Variants in PDE3A observed in about 807,000 individuals in gnomAD.
PDE3A encodes phosphodiesterase 3A.
PDE3A carries 43 observed loss-of-function variants against 98.3 expected under a neutral mutation model. The observed-to-expected ratio is 0.44, with a 90% confidence interval of 0.34 to 0.56. The LOEUF is 0.56. PDE3A is among the 20% of genes least tolerant of loss of function. The probability of loss-of-function intolerance (pLI) is 0.01; values close to 1 mark genes in which losing one functional copy is unlikely to be tolerated. For missense variants in PDE3A, 1,427 were observed against 1,440.7 expected (o/e 0.99, Z 0.15); for synonymous variants, 663 against 567.9 (o/e 1.17, Z -2.38).
intron 1 of PDE3A, among the ~76,000 whole-genome samples, chr12:20,431,793 G>A (rs117537507): frequency 8.5e-5 from 13 of 152,218 alleles, no homozygotes; most frequent in East Asian, 3.9e-4. Flanking sequence ...ATAACTATGC[G>A]CCTTATCTCA....
chr12:20,475,478 C>G (rs1444401847), intron 1 of PDE3A, among the ~76,000 whole-genome samples: 1 of 152,040 alleles, frequency 6.6e-6, no homozygotes, highest in Non-Finnish European at 1.5e-5. Context: ...CCTGTCATCC[C>G]AGCACTTTGG....
intron 1 of PDE3A, among the ~76,000 whole-genome samples, chr12:20,437,301 G>A (rs1591931065): frequency 6.6e-6 from 1 of 152,110 alleles, no homozygotes; most frequent in East Asian, 1.9e-4. Flanking sequence ...ATCAGACTCA[G>A]CCTTCATTCA....
At chr12:20,584,557 C>T (rs10841571) in intron 2 of PDE3A, among the ~76,000 whole-genome samples, 29,839 of 152,004 alleles carry the variant, frequency 0.2, 3,227 homozygotes, top group South Asian at 0.34. Flanking sequence ...TAATGCAGAA[C>T]GCCAGATTCT....
chr12:20,512,549 T>A lies in PDE3A; in HGVS notation c.961-44111T>A, dbSNP rs113729342. 3.9e-5 allele frequency among the ~76,000 whole-genome samples: 6 copies of A among 152,230 alleles called. No individual in the cohort carries two copies. In the South Asian group the frequency reaches 8.3e-4, roughly 21 times the overall value. ...AGGTAAAATAGTCAACATTTTACAA[T>A]GTTATTGCTTGGGGTTTAGGAAATT... On this transcript the variant is annotated intron_variant, in intron 1 of 15. Transcript: ENST00000359062.
At chr12:20,665,744 C>A (rs1330081115) in intron 15 of PDE3A, among the ~76,000 whole-genome samples, 2 of 151,956 alleles carry the variant, frequency 1.3e-5, no homozygotes, top group African/African-American at 2.4e-5. Context: ...TAGTCATTTT[C>A]ATTTTAGCTA....
intron 2 of PDE3A, among the ~76,000 whole-genome samples, chr12:20,572,970 C>G (rs1322056460): frequency 1.3e-5 from 2 of 152,034 alleles, no homozygotes; most frequent in African/African-American, 4.8e-5. Context: ...AGTCAAATGA[C>G]TAGTCTACAT....
chr12:20,623,949 T>C (rs1296997326), intron 5 of PDE3A, among the ~76,000 whole-genome samples: 4 of 152,070 alleles, frequency 2.6e-5, no homozygotes, highest in Non-Finnish European at 5.9e-5. Context: ...ATTTCCAGAT[T>C]TGTGAATAGT....
intron 5 of PDE3A, among the ~76,000 whole-genome samples, chr12:20,625,346 C>T (rs1057505031): frequency 6.6e-6 from 1 of 152,170 alleles, no homozygotes; most frequent in Admixed American, 6.5e-5. Context: ...TTGAATTTAT[C>T]GTTACTGTAT....
At chr12:20,653,383 T>C (rs1944965621) in intron 14 of PDE3A, among the ~76,000 whole-genome samples, 1 of 152,074 alleles carries the variant, frequency 6.6e-6, no homozygotes, top group South Asian at 2.1e-4. Context: ...ATTTTTTTTT[T>C]TGAGATGGAG....
chr12:20,602,755 G>T lies in PDE3A; in HGVS notation c.1012-10688G>T, dbSNP rs549865708. 2.0e-5 allele frequency among the ~76,000 whole-genome samples: 3 copies of T among 152,216 alleles called. No homozygotes were observed. The South Asian group carries it at 6.2e-4, about 32-fold the overall frequency. Reference sequence around the variant, plus strand: ...ATTCCCTGCCAGAAAATTAAAATACGCAAACATCTGCTTCCTTAGGATGGC... The same window carrying T: ...ATTCCCTGCCAGAAAATTAAAATACTCAAACATCTGCTTCCTTAGGATGGC... On this transcript the variant is annotated intron_variant, in intron 2 of 15. Coordinates refer to ENST00000359062, the MANE Select transcript of PDE3A (RefSeq NM_000921.5).
chr12:20,641,462 T>A, intron 10 of PDE3A, among the ~76,000 whole-genome samples: 1 of 151,964 alleles, frequency 6.6e-6, no homozygotes, highest in East Asian at 1.9e-4. Flanking sequence ...GGTCAAGGAG[T>A]TATATAAATA....
intron 1 of PDE3A, among the ~76,000 whole-genome samples, chr12:20,415,307 G>T (rs1944404252): frequency 6.6e-6 from 1 of 151,710 alleles, no homozygotes; most frequent in South Asian, 2.1e-4. Context: ...TTTCCCTCAG[G>T]GTAATTATGC....
chr12:20,471,491 T>G (rs1945439341), intron 1 of PDE3A, among the ~76,000 whole-genome samples: 1 of 152,130 alleles, frequency 6.6e-6, no homozygotes, highest in African/African-American at 2.4e-5. Flanking sequence ...AAATCCTAGT[T>G]TCTAGAAATA....
chr12:20,643,959 A>G (rs542514534), intron 10 of PDE3A, among the ~76,000 whole-genome samples: 3 of 152,262 alleles, frequency 2.0e-5, no homozygotes, highest in African/African-American at 7.2e-5. Flanking sequence ...GATGTTATCA[A>G]TTCCTTACCC....
chr12:20,526,324 T>C (rs1248531344), intron 1 of PDE3A, among the ~76,000 whole-genome samples: 1 of 152,244 alleles, frequency 6.6e-6, no homozygotes, highest in Non-Finnish European at 1.5e-5. Flanking sequence ...GTATTTTAAA[T>C]GAGCCAGCAA....
chr12:20,386,051 A>AAT (rs1308353603), intron 1 of PDE3A, among the ~76,000 whole-genome samples: 1 of 30,328 alleles, frequency 3.3e-5, no homozygotes, highest in Admixed American at 5.0e-4. Context: ...AATATATATA[A>AAT]ATATATATAA....
chr12:20,590,134 C>CGAA (rs1439360912), intron 2 of PDE3A, among the ~76,000 whole-genome samples: 1 of 151,952 alleles, frequency 6.6e-6, no homozygotes, highest in Non-Finnish European at 1.5e-5. Context: ...TCTTACTATC[C>CGAA]CGTGCTCCAA....
chr12:20,661,575 G>T lies in PDE3A; in HGVS notation c.3184+7370G>T, dbSNP rs886423541. On this transcript the variant is annotated intron_variant, in intron 15 of 15. Transcript: ENST00000359062. ...TGAGCAGTGTGCAGCCTAGGGACTT[G>T]GTTCCCTGCATCCCAACCACTCCAG... 5.3e-5 allele frequency among the ~76,000 whole-genome samples: 8 copies of T among 152,156 alleles called. No homozygotes were observed. In the South Asian group the frequency reaches 1.7e-3, roughly 32 times the overall value.
chr12:20,419,461 T>C (rs1333871721), intron 1 of PDE3A, among the ~76,000 whole-genome samples: 2 of 151,774 alleles, frequency 1.3e-5, no homozygotes, highest in Non-Finnish European at 1.5e-5. Flanking sequence ...TCCCACTGTT[T>C]TTGTTTTTTG....
Sources: allele counts gnomAD v4.1 joint callset (sites outside exome capture counted in the v4.1 genomes callset), GRCh38; gene constraint gnomAD v4.1.1; transcripts MANE v1.5; gene names NCBI Gene and HGNC (gene_info 2026-07-23, HGNC 2026-07-21).